Variants in SEMA5A observed in about 807,000 individuals in gnomAD.
SEMA5A encodes semaphorin 5A, also known as semaphorin-5A.
Under a neutral mutation model 135.5 loss-of-function variants are expected in SEMA5A, and 55 were observed. The ratio of observed to expected loss-of-function variants is 0.41; its 90% confidence interval spans 0.33 to 0.51. The LOEUF is 0.51. SEMA5A is among the 20% of genes least tolerant of loss of function. The pLI, the probability that SEMA5A is intolerant of heterozygous loss-of-function variation, is 0.37. For synonymous variants in SEMA5A, 580 were observed against 546.5 expected (o/e 1.06, Z -0.85); for missense variants, 1,290 against 1,419.9 (o/e 0.91, Z 1.47).
rs959615833 is a variant in SEMA5A at position 9,035,417 on chromosome 5, C to T, written c.*7480G>A. ...GAGGCTTGGAGCAGGTGTGAGTTGCCTTCCATTGATTGGTTAGGTGACCTC... is the reference window on the plus strand; with the variant it reads ...GAGGCTTGGAGCAGGTGTGAGTTGCTTTCCATTGATTGGTTAGGTGACCTC... On this transcript the variant is annotated 3_prime_UTR_variant, in exon 23 of 23. Coordinates refer to ENST00000382496, the MANE Select transcript of SEMA5A (RefSeq NM_003966.3). The T allele has an allele frequency of 1.3e-5, 2 of 152,048 alleles. No homozygotes were observed. The highest frequency in any genetic ancestry group is 2.4e-5 in the African/African-American group (1 of 41,404). 9.4% of individuals were successfully genotyped at this position (152,048 alleles called of 1,614,324 possible). A position where few individuals can be genotyped will look rare whatever the true frequency, so the allele number is the denominator to read the frequency against.
chr5:9,292,330 G>A (rs2150587339), intron 5 of SEMA5A, among the ~76,000 whole-genome samples: 1 of 152,238 alleles, frequency 6.6e-6, no homozygotes, highest in East Asian at 1.9e-4. Flanking sequence ...ATAACAATAT[G>A]TTAACTCGTT....
chr5:9,448,958 A>T (rs951818730), intron 1 of SEMA5A, among the ~76,000 whole-genome samples: 1 of 152,244 alleles, frequency 6.6e-6, no homozygotes, highest in African/African-American at 2.4e-5. Flanking sequence ...CAAGAACAAC[A>T]GTTTGGTTGG....
intron 11 of SEMA5A, among the ~76,000 whole-genome samples, chr5:9,176,105 A>G (rs1399294246): frequency 6.6e-6 from 1 of 152,206 alleles, no homozygotes; most frequent in Non-Finnish European, 1.5e-5. Context: ...ATTACAAATA[A>G]GTTAATTTCA....
chr5:9,122,769 A>T lies in SEMA5A; in HGVS notation c.1668T>A (p.Asp556Glu). Residue 556 changes from aspartate to glutamate, a missense_variant, in exon 14 of 23, where the codon GAT (aspartate) becomes GAA (glutamate). Physicochemically the swap from Asp to Glu is conservative, Grantham distance 45. Transcript: ENST00000382496. ...AGAGGCAGGATCCCACGGCGCTGCC[A>T]TCTGTGTGCGTGCAAGGCGTCCACG... ...WSPWTPCTHT[D>E]GSAVGSCLCR... 1 of 1,613,644 alleles carries T rather than the reference A, an allele frequency of 6.2e-7. No homozygotes were observed. The highest frequency in any genetic ancestry group is 1.3e-5 in the African/African-American group (1 of 75,044).
chr5:9,095,657 A>G (rs1425688935), intron 16 of SEMA5A, among the ~76,000 whole-genome samples: 2 of 152,254 alleles, frequency 1.3e-5, no homozygotes, highest in African/African-American at 2.4e-5. Flanking sequence ...TTAACAACTG[A>G]AATGACACAT....
At chr5:9,074,337 G>T (rs898489052) in intron 16 of SEMA5A, among the ~76,000 whole-genome samples, 4 of 152,060 alleles carry the variant, frequency 2.6e-5, no homozygotes. Context: ...TTCCATCTAT[G>T]ATAATTGATG....
chr5:9,296,430 T>C (rs1256355932), intron 5 of SEMA5A, among the ~76,000 whole-genome samples: 1 of 152,188 alleles, frequency 6.6e-6, no homozygotes, highest in Non-Finnish European at 1.5e-5. Flanking sequence ...TTGCATCAGC[T>C]ATAAGTACAT....
rs1745745119 is a variant in SEMA5A, at chr5:9,202,103, A to G, written c.784T>C (p.Phe262Leu). Residue 262 changes from phenylalanine to leucine, a missense_variant, in exon 9 of 23, where the codon TTC becomes CTC. Coordinates refer to ENST00000382496, the MANE Select transcript of SEMA5A (RefSeq NM_003966.3). ...GTGGTCCAGGTGTCTTCCAGCAGGA[A>G]GCGCCCACCAATATCGTTCTTGCAC... is the stretch of plus-strand genomic sequence containing the variant. ...RVCKNDIGGR[F>L]LLEDTWTTFM... is the part of the protein sequence containing the mutation. 6.2e-7 allele frequency: 1 copy of G among 1,614,052 alleles called. No homozygotes were observed. The highest frequency in any genetic ancestry group is 8.5e-7 in the Non-Finnish European group (1 of 1,180,036).
intron 11 of SEMA5A, among the ~76,000 whole-genome samples, chr5:9,169,779 C>T (rs1362533519): frequency 6.6e-6 from 1 of 152,186 alleles, no homozygotes; most frequent in Non-Finnish European, 1.5e-5. Flanking sequence ...ATGGGCCACT[C>T]AAATGACACT....
intron 2 of SEMA5A, among the ~76,000 whole-genome samples, chr5:9,436,137 G>A (rs574305089): frequency 5.3e-5 from 8 of 152,088 alleles, no homozygotes; most frequent in Non-Finnish European, 1.2e-4. Context: ...CCAAGAATAC[G>A]AACCTGAAAG....
intron 20 of SEMA5A, 76 bp from the exon 21 acceptor site, chr5:9,050,533 TTGTC>T (rs1197776078): frequency 4.3e-6 from 5 of 1,171,754 alleles, no homozygotes; most frequent in Middle Eastern, 2.0e-4. Flanking sequence ...TCATGTATGT[TTGTC>T]TAATGATTCT....
At chr5:9,508,893 T>A (rs557057640) in intron 1 of SEMA5A, among the ~76,000 whole-genome samples, 2 of 152,088 alleles carry the variant, frequency 1.3e-5, no homozygotes, top group East Asian at 3.9e-4. Context: ...AAACATAGGA[T>A]GAAGAAAAAG....
At chr5:9,332,598 G>A (rs1279751404) in intron 4 of SEMA5A, among the ~76,000 whole-genome samples, 1 of 150,600 alleles carries the variant, frequency 6.6e-6, no homozygotes, top group Admixed American at 6.6e-5. Context: ...TGTGCAACGT[G>A]TGAAGTTGTG....
In SEMA5A at chr5:9,127,577, G is replaced by C. The variant is rs974098998; in HGVS notation, c.1600-4740C>G. On this transcript the variant is annotated intron_variant, in intron 13 of 22. Coordinates refer to ENST00000382496, the MANE Select transcript of SEMA5A (RefSeq NM_003966.3). ...CTGTACCGACAAACTGACTTTGTCTGCCTCACTCTTTGGTTTCTTGGGTCC... is the reference window on the plus strand; with the variant it reads ...CTGTACCGACAAACTGACTTTGTCTCCCTCACTCTTTGGTTTCTTGGGTCC... 2.0e-5 allele frequency among the ~76,000 whole-genome samples: 3 copies of C among 152,262 alleles called. 1 individual carries two copies. The highest frequency in any genetic ancestry group is 1.3e-4 in the Admixed American group (2 of 15,300).
At chr5:9,389,200 T>A (rs1756038539) in intron 2 of SEMA5A, among the ~76,000 whole-genome samples, 1 of 152,176 alleles carries the variant, frequency 6.6e-6, no homozygotes, top group Non-Finnish European at 1.5e-5. Context: ...TCTCTGTATT[T>A]ATTTCACATC....
At chr5:9,513,487 T>C (rs1356951358) in intron 1 of SEMA5A, among the ~76,000 whole-genome samples, 1 of 152,152 alleles carries the variant, frequency 6.6e-6, no homozygotes, top group African/African-American at 2.4e-5. Flanking sequence ...TTGGAACACA[T>C]GTTTGTGTTT....
At chr5:9,169,752 G>T (rs1041470566) in intron 11 of SEMA5A, among the ~76,000 whole-genome samples, 5 of 152,166 alleles carry the variant, frequency 3.3e-5, no homozygotes, top group Admixed American at 6.5e-5. Flanking sequence ...AGGGCCTCCA[G>T]GCTGCTCAGG....
intron 16 of SEMA5A, among the ~76,000 whole-genome samples, chr5:9,073,202 A>G (rs1184354901): frequency 1.3e-5 from 2 of 152,130 alleles, no homozygotes; most frequent in African/African-American, 4.8e-5. Flanking sequence ...GTAGATGTTA[A>G]CATTCTTAAA....
chr5:9,395,670 C>T (rs146722892), intron 2 of SEMA5A, among the ~76,000 whole-genome samples: 2 of 152,274 alleles, frequency 1.3e-5, no homozygotes, highest in African/African-American at 4.8e-5. Flanking sequence ...AAGTGGCCCC[C>T]GTAGCTAGGT....
Sources: gnomAD v4.1 joint callset for allele counts (sites outside exome capture counted in the v4.1 genomes callset) on GRCh38, gnomAD v4.1.1 for gene constraint, MANE v1.5 for transcripts, NCBI Gene and HGNC (gene_info 2026-07-23, HGNC 2026-07-21) for gene names.